IL1RAP: variants seen among roughly 807,000 people sequenced by gnomAD.
IL1RAP encodes interleukin 1 receptor accessory protein.
In IL1RAP, 35 loss-of-function variants were observed where a neutral mutation model predicts 60.7. The ratio of observed to expected loss-of-function variants is 0.58; its 90% CI spans 0.44 to 0.76. The LOEUF (loss-of-function observed/expected upper bound fraction) is 0.76. Among genes scored for constraint, IL1RAP ranks in the 30% least tolerant of loss-of-function variants. The pLI is 0.00. For missense variants in IL1RAP, 572 were observed against 693.9 expected (o/e 0.82, Z 1.97); for synonymous variants, 268 against 250.9 (o/e 1.07, Z -0.64).
Position 190,595,133 on chromosome 3 carries a change from T to C in IL1RAP, c.65-8995T>C, listed in dbSNP as rs186270214. On this transcript the variant is annotated intron_variant, in intron 3 of 11. Coordinates refer to ENST00000447382, the MANE Select transcript of IL1RAP (RefSeq NM_002182.4). ...TCTTATTTAGCATGTCAATTGCTTA[T>C]TGTCAGTCTCCTTGTGTTAGAAGGT... Among the ~76,000 whole-genome samples, 202 of 152,324 alleles carry C rather than the reference T, an allele frequency of 1.3e-3. 1 individual carries two copies. The highest frequency in any genetic ancestry group is 4.6e-3 in the African/African-American group (193 of 41,580).
chr3:190,653,048 A>T (rs1370149255), downstream of IL1RAP, among the ~76,000 whole-genome samples: 5 of 152,244 alleles, frequency 3.3e-5, no homozygotes, highest in Non-Finnish European at 7.3e-5. Context: ...AGGAATATAA[A>T]GTAACCTTAG....
chr3:190,602,426 A>G (rs988758006), intron 3 of IL1RAP, among the ~76,000 whole-genome samples: 1 of 152,194 alleles, frequency 6.6e-6, no homozygotes, highest in Non-Finnish European at 1.5e-5. Flanking sequence ...ATTTAAATTT[A>G]TAAGACATTT....
intron 1 of IL1RAP, among the ~76,000 whole-genome samples, chr3:190,521,506 G>A (rs527930612): frequency 1.3e-5 from 2 of 150,280 alleles, no homozygotes; most frequent in African/African-American, 2.5e-5. Flanking sequence ...GGTTAGTTGC[G>A]TTTCCTTCTC....
At chr3:190,564,523 AC>A in intron 3 of IL1RAP, 170 bp downstream of exon 3, 1 of 628,166 alleles carries the variant, frequency 1.6e-6, no homozygotes, top group Non-Finnish European at 2.9e-6. Flanking sequence ...GATGGAAAGA[AC>A]CATTGCTGTC....
At chr3:190,521,466 T>G (rs1175615397) in intron 1 of IL1RAP, among the ~76,000 whole-genome samples, 2 of 151,994 alleles carry the variant, frequency 1.3e-5, no homozygotes, top group Non-Finnish European at 2.9e-5. Context: ...CATTTTTTTT[T>G]TTTTTCCTCA....
intron 6 of IL1RAP, among the ~76,000 whole-genome samples, chr3:190,621,681 AG>A (rs1282008349): frequency 2.0e-5 from 3 of 152,238 alleles, no homozygotes; most frequent in Admixed American, 1.3e-4. Flanking sequence ...ATTATATGCC[AG>A]TAGCATATCC....
In IL1RAP at chr3:190,572,866, T is replaced by TTTTTTTG. The variant is rs1268320705; in HGVS notation, c.64+8519_64+8520insGTTTTTT. On this transcript the variant is annotated intron_variant, in intron 3 of 11. Coordinates refer to ENST00000447382, the MANE Select transcript of IL1RAP (RefSeq NM_002182.4). ...GTCCAGGGTTAATGCTTTGTTTTTT[T>TTTTTTTG]TTTTTTTTTTTTTTTGAGACGGAGT... 2.3e-4 allele frequency among the ~76,000 whole-genome samples: 7 copies of TTTTTTTG among 30,390 alleles called. 2 individuals carry two copies. The highest frequency in any genetic ancestry group is 9.7e-4 in the South Asian group (1 of 1,026). 19.9% of individuals were successfully genotyped at this position (30,390 alleles called of 152,430 possible).
chr3:190,530,875 C>T (rs1722927768), intron 1 of IL1RAP, among the ~76,000 whole-genome samples: 1 of 152,164 alleles, frequency 6.6e-6, no homozygotes, highest in Non-Finnish European at 1.5e-5. Context: ...AACAGCTCTG[C>T]AAGGTCAGTT....
Position 190,650,179 on chromosome 3 carries a change from T to A in IL1RAP, c.*1474T>A. ...TCCAGTTTTTAAATTATGTTTTTAC[T>A]GGAATGTTTTTGTGTCAGTGTTTTC... is the stretch of plus-strand genomic sequence containing the variant. On this transcript the variant is annotated 3_prime_UTR_variant, in exon 12 of 12. Transcript: ENST00000447382. 2 of 984,508 alleles carry A rather than the reference T, an allele frequency of 2.0e-6. No homozygotes were observed. The highest frequency in any genetic ancestry group is 2.4e-6 in the Non-Finnish European group (2 of 829,104). 61.0% of individuals were successfully genotyped at this position (984,508 alleles called of 1,614,324 possible). A position where few individuals can be genotyped will look rare whatever the true frequency, so the allele number is the denominator to read the frequency against.
At chr3:190,619,289 T>A (rs1731549719) in intron 5 of IL1RAP, among the ~76,000 whole-genome samples, 1 of 152,338 alleles carries the variant, frequency 6.6e-6, no homozygotes, top group East Asian at 1.9e-4. Flanking sequence ...AATGAGATAG[T>A]TGTGGACTGA....
chr3:190,547,540 A>T lies in IL1RAP; in HGVS notation c.-88-8590A>T, dbSNP rs140755473. ...TTTAGGGCTTACTTTTTTGGCTTAT[A>T]TGAGTTCCCAGGAAAACCTGGAATA... On this transcript the variant is annotated intron_variant, in intron 1 of 11. Transcript: ENST00000447382. Among the ~76,000 whole-genome samples, 50 of 152,284 alleles carry T rather than the reference A, an allele frequency of 3.3e-4. No individual in the cohort carries two copies. In the East Asian group the frequency reaches 9.5e-3, roughly 29 times the overall value.
In IL1RAP at chr3:190,649,811, A is replaced by G. The variant is rs1734284153; in HGVS notation, c.*1106A>G. ...ATATACTTGCTCCAAATAAGTCAGT[A>G]TGAGAAGTCACTGTCAATGAAAGTT... On this transcript the variant is annotated 3_prime_UTR_variant, in exon 12 of 12. Transcript: ENST00000447382. 1.0e-6 allele frequency: 1 copy of G among 985,224 alleles called. No homozygotes were observed. The highest frequency in any genetic ancestry group is 1.7e-5 in the African/African-American group (1 of 57,230). The allele number at this position is 985,224 out of a possible 1,614,324, so 61.0% of individuals were successfully genotyped here. A position where few individuals can be genotyped will look rare whatever the true frequency, so the allele number is the denominator to read the frequency against.
At chr3:190,559,987 T>C (rs1725747484) in intron 2 of IL1RAP, among the ~76,000 whole-genome samples, 1 of 152,166 alleles carries the variant, frequency 6.6e-6, no homozygotes, top group Non-Finnish European at 1.5e-5. Context: ...AATATTAGAT[T>C]TGAAATATTC....
rs536918400 is a variant in IL1RAP at position 190,597,083 on chromosome 3, A to C, written c.65-7045A>C. Among the ~76,000 whole-genome samples, 3 of 152,334 alleles carry C rather than the reference A, an allele frequency of 2.0e-5. No individual in the cohort carries two copies. The South Asian group carries it at 6.2e-4, about 32-fold the overall frequency. On this transcript the variant is annotated intron_variant, in intron 3 of 11. Transcript: ENST00000447382. Reference sequence around the variant, plus strand: ...GGTACAGGAGGCTGACTCACTTTACACACATATTCATTTGGTCCATGAAAC... The same window carrying C: ...GGTACAGGAGGCTGACTCACTTTACCCACATATTCATTTGGTCCATGAAAC...
At position 190,644,322 on chromosome 3, in the gene IL1RAP, G is replaced by T. The variant is rs1287136251; in HGVS notation, c.1126G>T (p.Val376Phe). ...ATVLLVVILIVVYHVYWLEMV... is the reference protein window; with the variant it reads ...ATVLLVVILIFVYHVYWLEMV... Reference sequence around the variant, plus strand: ...AGTCCTGCTAGTGGTGATTCTCATTGTTGTTTACCATGTTTACTGGCTAGA... The same window carrying T: ...AGTCCTGCTAGTGGTGATTCTCATTTTTGTTTACCATGTTTACTGGCTAGA... The change falls in exon 10 of 12, where the codon GTT becomes TTT. Residue 376 changes from valine (V) to phenylalanine (F), a missense_variant. Val to Phe is a conservative substitution (Grantham distance 50, BLOSUM62 -1). Coordinates refer to ENST00000447382, the MANE Select transcript of IL1RAP (RefSeq NM_002182.4). 6.2e-7 allele frequency: 1 copy of T among 1,613,958 alleles called. No homozygotes were observed. The highest frequency in any genetic ancestry group is 8.5e-7 in the Non-Finnish European group (1 of 1,179,922).
At chr3:190,522,176 T>A (rs1722080218) in intron 1 of IL1RAP, among the ~76,000 whole-genome samples, 1 of 152,118 alleles carries the variant, frequency 6.6e-6, no homozygotes, top group African/African-American at 2.4e-5. Flanking sequence ...TCGTAAGAAG[T>A]AGGCTGAGCT....
intron 3 of IL1RAP, among the ~76,000 whole-genome samples, chr3:190,568,759 G>A (rs1453589139): frequency 1.3e-5 from 2 of 152,158 alleles, no homozygotes; most frequent in Non-Finnish European, 2.9e-5. Flanking sequence ...GGAACACTAT[G>A]CATCATGGAC....
chr3:190,553,440 A>AG (rs531393624), intron 1 of IL1RAP, among the ~76,000 whole-genome samples: 1 of 152,220 alleles, frequency 6.6e-6, no homozygotes, highest in East Asian at 1.9e-4. Context: ...AAAGAAAAAA[A>AG]TTTTTTTTAA....
chr3:190,612,063 T>C (rs1460137977), intron 5 of IL1RAP, among the ~76,000 whole-genome samples: 5 of 152,206 alleles, frequency 3.3e-5, no homozygotes, highest in African/African-American at 1.2e-4. Flanking sequence ...GAGTTTTCTT[T>C]TTTGGAGATA....
Sources: allele counts gnomAD v4.1 joint callset (sites outside exome capture counted in the v4.1 genomes callset), GRCh38; gene constraint gnomAD v4.1.1; transcripts MANE v1.5; gene names NCBI Gene and HGNC (gene_info 2026-07-23, HGNC 2026-07-21).